The following CDC42SE2 variants were observed in gnomAD, a reference collection of about 807,000 sequenced individuals.
CDC42SE2 encodes CDC42 small effector protein 2.
In CDC42SE2, 3 loss-of-function variants were observed where a neutral mutation model predicts 11.5. The observed-to-expected ratio is 0.26, with a 90% CI of 0.12 to 0.67. The LOEUF is 0.67. Ranked by LOEUF, CDC42SE2 falls within the 30% of genes least tolerant of loss-of-function variation. The pLI is 0.80. For missense variants in CDC42SE2, 82 were observed against 106.8 expected (o/e 0.77, Z 1.02); for synonymous variants, 33 against 34.8 (o/e 0.95, Z 0.18).
intron 2 of CDC42SE2, among the ~76,000 whole-genome samples, chr5:131,338,459 G>A (rs1446013989): frequency 6.6e-6 from 1 of 152,194 alleles, no homozygotes; most frequent in Non-Finnish European, 1.5e-5. Flanking sequence ...AGAGTTTTGA[G>A]CAGAATGCCT....
At chr5:131,344,616 T>A in intron 2 of CDC42SE2, among the ~76,000 whole-genome samples, 1 of 152,220 alleles carries the variant, frequency 6.6e-6, no homozygotes, top group Non-Finnish European at 1.5e-5. Flanking sequence ...TTCTGCACAC[T>A]TAAACGTCCC....
At chr5:131,339,668 G>A (rs141172419) in intron 2 of CDC42SE2, among the ~76,000 whole-genome samples, 2,698 of 151,962 alleles carry the variant, frequency 0.018, 45 homozygotes, top group Admixed American at 0.036. Flanking sequence ...TTAACTGGGC[G>A]TGGTGGTGGG....
At chr5:131,316,622 A>C (rs1212108437) in intron 2 of CDC42SE2, among the ~76,000 whole-genome samples, 2 of 152,206 alleles carry the variant, frequency 1.3e-5, no homozygotes, top group Non-Finnish European at 2.9e-5. Context: ...AAAAGGAAGA[A>C]AATAGATGGT....
intron 3 of CDC42SE2, among the ~76,000 whole-genome samples, chr5:131,376,530 A>G (rs967994633): frequency 1.3e-5 from 2 of 152,132 alleles, no homozygotes; most frequent in African/African-American, 4.8e-5. Context: ...CAGGGGGTAC[A>G]TGTGTAGGTT....
At chr5:131,272,603 C>T (rs546968981) in intron 1 of CDC42SE2, among the ~76,000 whole-genome samples, 4 of 152,248 alleles carry the variant, frequency 2.6e-5, no homozygotes, top group African/African-American at 7.2e-5. Context: ...TCTCATTCTC[C>T]TGCATTCTAA....
At chr5:131,299,235 T>C (rs965153525) in intron 1 of CDC42SE2, among the ~76,000 whole-genome samples, 2 of 152,172 alleles carry the variant, frequency 1.3e-5, no homozygotes, top group African/African-American at 4.8e-5. Context: ...AGGAATAACA[T>C]GATCAGACAT....
At chr5:131,328,376 G>T (rs1407955046) in intron 2 of CDC42SE2, among the ~76,000 whole-genome samples, 1 of 151,806 alleles carries the variant, frequency 6.6e-6, no homozygotes, top group Non-Finnish European at 1.5e-5. Flanking sequence ...TCTAGGAATG[G>T]GCTCTTCTGT....
chr5:131,358,629 A>G (rs910356323), intron 2 of CDC42SE2, among the ~76,000 whole-genome samples: 16 of 152,302 alleles, frequency 1.1e-4, no homozygotes, highest in African/African-American at 3.4e-4. Context: ...TAATGATGGT[A>G]GGAGTGGTGG....
chr5:131,233,254 TATG>T, the CDC42SE2 span, among the ~76,000 whole-genome samples: 2 of 152,134 alleles, frequency 1.3e-5, no homozygotes, highest in African/African-American at 4.8e-5. Context: ...TATAAATATT[TATG>T]ATAATACAAT....
intron 1 of CDC42SE2, among the ~76,000 whole-genome samples, chr5:131,284,361 A>G (rs1352243407): frequency 1.3e-5 from 2 of 152,244 alleles, no homozygotes; most frequent in Non-Finnish European, 2.9e-5. Context: ...ATCTTTTATT[A>G]GTAATTCATT....
intron 2 of CDC42SE2, among the ~76,000 whole-genome samples, chr5:131,317,940 G>A (rs1758085211): frequency 6.6e-6 from 1 of 151,404 alleles, no homozygotes; most frequent in African/African-American, 2.4e-5. Context: ...TTTTGAGACA[G>A]GGTCTCACTC....
chr5:131,392,444 G>C lies in CDC42SE2; in HGVS notation c.*1353G>C, dbSNP rs1256293087. ...TGATGCTGCTATTAGATAAAGTTTA[G>C]CTGTGGCACCAAGTCACATCATTTT... On this transcript the variant is annotated 3_prime_UTR_variant, in exon 5 of 5. Transcript: ENST00000505065. 6.5e-6 allele frequency: 1 copy of C among 152,692 alleles called. No individual in the cohort carries two copies. Among genetic ancestry groups the C allele is most frequent in the African/African-American group, 2.4e-5 (1 of 41,428 alleles). The allele number at this position is 152,692 out of a possible 1,614,324, so 9.5% of individuals were successfully genotyped here. A position where few individuals can be genotyped will look rare whatever the true frequency, so the allele number is the denominator to read the frequency against.
chr5:131,363,468 C>A (rs1163008995), intron 3 of CDC42SE2, among the ~76,000 whole-genome samples: 1 of 151,798 alleles, frequency 6.6e-6, no homozygotes, highest in African/African-American at 2.4e-5. Flanking sequence ...CCTCTGCCTC[C>A]CGGGTTTAAG....
At chr5:131,247,847 C>T (rs1756608931) in intron 1 of CDC42SE2, among the ~76,000 whole-genome samples, 1 of 151,966 alleles carries the variant, frequency 6.6e-6, no homozygotes, top group Non-Finnish European at 1.5e-5. Flanking sequence ...TCTTTGTTTT[C>T]CCAGCCTGGT....
chr5:131,309,887 C>A (rs1287293669), intron 1 of CDC42SE2, among the ~76,000 whole-genome samples: 1,649 of 151,626 alleles, frequency 0.011, 21 homozygotes, highest in African/African-American at 0.037. Context: ...TTGATCCTTT[C>A]AAAAAACCAG....
At chr5:131,272,536 T>G (rs1757015230) in intron 1 of CDC42SE2, among the ~76,000 whole-genome samples, 1 of 152,128 alleles carries the variant, frequency 6.6e-6, no homozygotes, top group Non-Finnish European at 1.5e-5. Flanking sequence ...TCTGTCATCA[T>G]GGTCTCCACT....
At chr5:131,337,679 TC>T (rs1758607391) in intron 2 of CDC42SE2, among the ~76,000 whole-genome samples, 1 of 152,114 alleles carries the variant, frequency 6.6e-6, no homozygotes, top group African/African-American at 2.4e-5. Flanking sequence ...CGGGCACCCC[TC>T]CCCCAGCCTC....
At chr5:131,320,055 A>G (rs866867416) in intron 2 of CDC42SE2, among the ~76,000 whole-genome samples, 5 of 100,162 alleles carry the variant, frequency 5.0e-5, no homozygotes, top group South Asian at 2.6e-4. Context: ...CGTCTTAAAG[A>G]AAAAAAAAAA....
intron 2 of CDC42SE2, among the ~76,000 whole-genome samples, chr5:131,341,218 A>T (rs1383319955): frequency 6.6e-6 from 1 of 152,194 alleles, no homozygotes; most frequent in African/African-American, 2.4e-5. Flanking sequence ...ACAATGATGA[A>T]AAAGGACCAA....
Sources: allele counts gnomAD v4.1 joint callset (sites outside exome capture counted in the v4.1 genomes callset), GRCh38; gene constraint gnomAD v4.1.1; transcripts MANE v1.5; gene names NCBI Gene and HGNC (gene_info 2026-07-23, HGNC 2026-07-21).